Variants in AACS observed in about 807,000 individuals in gnomAD.
The protein encoded by AACS is acetoacetyl-CoA synthetase.
A neutral mutation model predicts 83.1 loss-of-function variants in AACS; 69 were observed. The observed-to-expected ratio is 0.83, with a 90% CI of 0.68 to 1.01. The LOEUF is 1.01. AACS is among the 50% of genes least tolerant of loss of function. AACS has a pLI of 0.00. For missense variants in AACS, 866 were observed against 882.2 expected (o/e 0.98, Z 0.23); for synonymous variants, 333 against 343.4 (o/e 0.97, Z 0.33).
In AACS at chr12:125,113,113, G is replaced by C. The variant is rs1396563373; in HGVS notation, c.916-1364G>C. Among the ~76,000 whole-genome samples, 1 of 152,246 alleles carries C rather than the reference G, an allele frequency of 6.6e-6. No individual in the cohort carries two copies. The highest frequency in any genetic ancestry group is 1.5e-5 in the Non-Finnish European group (1 of 68,052). On this transcript the variant is annotated intron_variant, in intron 8 of 17. Coordinates refer to ENST00000316519, the MANE Select transcript of AACS (RefSeq NM_023928.5). The surrounding 1 kb of genome is among the most constrained non-coding windows in gnomAD (Gnocchi z 4.8). The stretch of plus-strand genomic sequence containing the variant: ...TTTGTGGGCTGGGTGGCGGTTGCCT[G>C]TTTGGGATGGACTCCGGAATAGGAG...
chr12:125,133,127 C>T (rs372653323), intron 14 of AACS, among the ~76,000 whole-genome samples: 4 of 152,210 alleles, frequency 2.6e-5, no homozygotes, highest in African/African-American at 7.2e-5. Context: ...CTTTTGATTA[C>T]GGCCAGCCAG....
intron 2 of AACS, among the ~76,000 whole-genome samples, chr12:125,075,595 G>GT (rs372065695): frequency 0.035 from 4,625 of 133,152 alleles, 146 homozygotes; most frequent in African/African-American, 0.077. Flanking sequence ...CCCAGCTGGA[G>GT]TTTTTTTTTT....
rs1266017852 is a variant in AACS at position 125,130,607 on chromosome 12, G to T, written c.1549+1147G>T. ...CACTTTATTTGTCACATGTGCAAGG[G>T]TTCATGTGATAGATGTCTCTCAGGA... On this transcript the variant is annotated intron_variant, in intron 14 of 17. Transcript: ENST00000316519. The surrounding 1 kb of genome is among the most constrained non-coding windows in gnomAD (Gnocchi z 4.9). Among the ~76,000 whole-genome samples, 4 of 152,230 alleles carry T rather than the reference G, an allele frequency of 2.6e-5. No homozygotes were observed. Among genetic ancestry groups the T allele is most frequent in the African/African-American group, 9.7e-5 (4 of 41,448 alleles).
chr12:125,074,660 GTT>G (rs869194296), intron 2 of AACS, among the ~76,000 whole-genome samples: 1 of 122,156 alleles, frequency 8.2e-6, no homozygotes. Flanking sequence ...CATTGTTGTA[GTT>G]TTTTTTTTTT....
chr12:125,103,947 C>T (rs961114329), intron 7 of AACS, among the ~76,000 whole-genome samples: 6 of 123,988 alleles, frequency 4.8e-5, no homozygotes, highest in Non-Finnish European at 9.5e-5. Context: ...AAGATAGCGC[C>T]ACTGCACTCC....
At position 125,128,393 on chromosome 12, in the gene AACS, C is replaced by A. The variant is rs189708712; in HGVS notation, c.1423+119C>A. 3.7e-5 allele frequency: 31 copies of A among 848,680 alleles called. 1 individual carries two copies. In the Admixed American group the frequency reaches 7.3e-4, roughly 20 times the overall value. The allele number at this position is 848,680 out of a possible 1,614,324, so 52.6% of individuals were successfully genotyped here. On this transcript the variant is annotated intron_variant, in intron 13 of 17. Transcript: ENST00000316519. ...CCAAAACAGCCCTCGGAGGGGAGGCCCCTGTCACTTGCAGTGTGATGTCCT... is the reference window on the plus strand; with the variant it reads ...CCAAAACAGCCCTCGGAGGGGAGGCACCTGTCACTTGCAGTGTGATGTCCT...
At chr12:125,110,081 T>G (rs1257341527) in intron 8 of AACS, among the ~76,000 whole-genome samples, 1 of 151,380 alleles carries the variant, frequency 6.6e-6, no homozygotes, top group Non-Finnish European at 1.5e-5. Context: ...GTGCAGTGGC[T>G]CAATGTTGGC....
Position 125,114,279 on chromosome 12 carries a change from G to C in AACS, c.916-198G>C, listed in dbSNP as rs930165249. ...GACTACAAGCCACGCTCAGCTCTTG[G>C]GGGAGAGGGACATGGGGGCATGGCT... On this transcript the variant is annotated intron_variant, in intron 8 of 17. Coordinates refer to ENST00000316519, the MANE Select transcript of AACS (RefSeq NM_023928.5). The C allele has an allele frequency of 2.0e-5, 9 of 461,334 alleles. No individual in the cohort carries two copies. In the South Asian group the frequency reaches 3.2e-4, roughly 16 times the overall value. The allele number at this position is 461,334 out of a possible 1,614,324, so 28.6% of individuals were successfully genotyped here.
intron 1 of AACS, among the ~76,000 whole-genome samples, chr12:125,069,219 A>G (rs1955791880): frequency 6.6e-6 from 1 of 152,154 alleles, no homozygotes; most frequent in African/African-American, 2.4e-5. Context: ...GCTCACTTGT[A>G]GCCTGTATAC....
intron 3 of AACS, among the ~76,000 whole-genome samples, chr12:125,078,937 A>G (rs970160906): frequency 2.6e-5 from 4 of 152,058 alleles, no homozygotes; most frequent in African/African-American, 4.8e-5. Context: ...GTAAGAAAAC[A>G]TGCTTGGAAG....
At chr12:125,115,831 C>CG (rs1957043853) in intron 9 of AACS, among the ~76,000 whole-genome samples, 1 of 151,474 alleles carries the variant, frequency 6.6e-6, no homozygotes, top group Admixed American at 6.6e-5. Context: ...AGATGGAGGA[C>CG]GGGGGACAGA....
chr12:125,095,676 C>T (rs76109876), intron 5 of AACS, among the ~76,000 whole-genome samples: 137 of 152,322 alleles, frequency 9.0e-4, no homozygotes, highest in African/African-American at 3.1e-3. Flanking sequence ...TTATTCTTGA[C>T]GCTGGGCTTT....
Position 125,129,367 on chromosome 12 carries a change from G to A in AACS, c.1456G>A (p.Val486Met), listed in dbSNP as rs1255491675. The change falls in exon 14 of 18, where the codon GTG becomes ATG. Residue 486 changes from valine to methionine, a missense_variant. Physicochemically the swap from Val to Met is conservative, Grantham distance 21. Coordinates refer to ENST00000316519, the MANE Select transcript of AACS (RefSeq NM_023928.5). The surrounding 1 kb of genome is among the most constrained non-coding windows in gnomAD (Gnocchi z 4.3). ...GGTCTGGGGAGAGAGCGGCGAGCTG[G>A]TGTGTACTAAGCCGATCCCTTGCCA... is the stretch of plus-strand genomic sequence containing the variant. ...KAVWGESGEL[V>M]CTKPIPCQPT... 2.5e-6 allele frequency: 4 copies of A among 1,613,854 alleles called. No homozygotes were observed. Among genetic ancestry groups the A allele is most frequent in the Non-Finnish European group, 3.4e-6 (4 of 1,179,930 alleles).
intron 4 of AACS, among the ~76,000 whole-genome samples, chr12:125,090,200 T>TCTACCCTCCACCCATCCTC (rs1565932060): frequency 6.5e-5 from 2 of 30,924 alleles, no homozygotes; most frequent in Admixed American, 4.2e-4. Flanking sequence ...ATCTACCCAT[T>TCTACCCTCCACCCATCCTC]TACCCATTAT....
intron 1 of AACS, among the ~76,000 whole-genome samples, chr12:125,073,417 G>A (rs1017452939): frequency 2.3e-4 from 35 of 152,278 alleles, no homozygotes; most frequent in African/African-American, 7.9e-4. Flanking sequence ...GTATAATAAT[G>A]GTGAACTCCT....
At chr12:125,115,538 G>A (rs917140867) in intron 9 of AACS, among the ~76,000 whole-genome samples, 1 of 152,212 alleles carries the variant, frequency 6.6e-6, no homozygotes, top group African/African-American at 2.4e-5. Flanking sequence ...GGGATTACAG[G>A]CGTGAGCCAC....
At chr12:125,099,049 G>A (rs2136086968) in intron 5 of AACS, among the ~76,000 whole-genome samples, 1 of 152,320 alleles carries the variant, frequency 6.6e-6, no homozygotes, top group East Asian at 1.9e-4. Context: ...GTGCCGTCAG[G>A]TGTCTGCCAG....
chr12:125,114,837 G>T (rs765174302), intron 9 of AACS, among the ~76,000 whole-genome samples: 2 of 148,096 alleles, frequency 1.4e-5, no homozygotes, highest in African/African-American at 5.1e-5. Context: ...CCCGGGCGCC[G>T]GCCCGTGGCA....
chr12:125,082,493 T>G (rs1182454399), intron 3 of AACS, among the ~76,000 whole-genome samples: 3 of 147,410 alleles, frequency 2.0e-5, no homozygotes, highest in Non-Finnish European at 4.5e-5. Context: ...GCCAGATTTA[T>G]GCCAAAGGGA....
Sources: gnomAD v4.1 joint callset for allele counts (sites outside exome capture counted in the v4.1 genomes callset) on GRCh38, gnomAD v4.1.1 for gene constraint, Gnocchi (gnomAD v3.1) non-coding constraint, MANE v1.5 for transcripts, NCBI Gene and HGNC (gene_info 2026-07-23, HGNC 2026-07-21) for gene names.